CERT1: variants seen among roughly 807,000 people sequenced by gnomAD.
CERT1 encodes the protein ceramide transporter 1.
Under a neutral mutation model 87.9 loss-of-function variants are expected in CERT1, and 31 were observed. The ratio of observed to expected loss-of-function variants is 0.35; its 90% CI spans 0.27 to 0.48. The LOEUF (loss-of-function observed/expected upper bound fraction) is 0.48. Among genes scored for constraint, CERT1 ranks in the 20% least tolerant of loss-of-function variants. The pLI is 0.99. For synonymous variants in CERT1, 289 were observed against 250.9 expected, an observed-to-expected ratio of 1.15 and a Z score of -1.44; for missense variants, 487 against 758.0, an observed-to-expected ratio of 0.64 and a Z score of 4.20.
intron 2 of CERT1, among the ~76,000 whole-genome samples, chr5:75,486,596 C>A (rs1399648022): frequency 3.3e-5 from 5 of 151,936 alleles, no homozygotes; most frequent in Non-Finnish European, 7.4e-5. Context: ...TTGAAACAAC[C>A]TAAAAACTCC....
chr5:75,455,251 T>C (rs1367460565), intron 3 of CERT1, among the ~76,000 whole-genome samples: 1 of 152,226 alleles, frequency 6.6e-6, no homozygotes, highest in Non-Finnish European at 1.5e-5. Context: ...TCATCCGCCA[T>C]ATTCACCTGA....
chr5:75,490,291 C>T (rs1038299509), intron 2 of CERT1, among the ~76,000 whole-genome samples: 1 of 150,636 alleles, frequency 6.6e-6, no homozygotes, highest in Non-Finnish European at 1.5e-5. Context: ...CACATGTATA[C>T]CTATGTAACA....
At chr5:75,418,391 A>T (rs1763232175) in intron 6 of CERT1, among the ~76,000 whole-genome samples, 1 of 152,120 alleles carries the variant, frequency 6.6e-6, no homozygotes, top group African/African-American at 2.4e-5. Flanking sequence ...AGGAACTGGG[A>T]CTCTCATATG....
At chr5:75,454,323 T>C (rs1378191263) in intron 3 of CERT1, among the ~76,000 whole-genome samples, 15 of 152,212 alleles carry the variant, frequency 9.9e-5, no homozygotes, top group Admixed American at 3.3e-4. Context: ...CCGTTTGATA[T>C]TGGATTACAT....
At chr5:75,444,859 T>C (rs912329106) in intron 3 of CERT1, among the ~76,000 whole-genome samples, 2 of 152,204 alleles carry the variant, frequency 1.3e-5, no homozygotes, top group South Asian at 4.1e-4. Flanking sequence ...TGATTTTTCA[T>C]AGTGAAATAT....
chr5:75,511,932 G>T, upstream of CERT1: 2 of 1,078,492 alleles, frequency 1.9e-6, no homozygotes, highest in Non-Finnish European at 2.7e-6. Context: ...TCCCGCGCGG[G>T]GATCGCTTGT....
At chr5:75,400,426 T>C (rs1263699160) in intron 9 of CERT1, 129 bp from the exon 10 acceptor site, 15 of 596,358 alleles carry the variant, frequency 2.5e-5, no homozygotes, top group Non-Finnish European at 4.1e-5. Context: ...CCATTAGAAT[T>C]ATGAAACTAC....
chr5:75,407,707 A>G (rs1378668335), intron 8 of CERT1, among the ~76,000 whole-genome samples: 1 of 152,162 alleles, frequency 6.6e-6, no homozygotes, highest in African/African-American at 2.4e-5. Context: ...AGGTCTCACT[A>G]AACAACCATT....
At chr5:75,434,733 T>C (rs984258546) in intron 3 of CERT1, among the ~76,000 whole-genome samples, 1 of 152,072 alleles carries the variant, frequency 6.6e-6, no homozygotes, top group Non-Finnish European at 1.5e-5. Flanking sequence ...TGGAAGGTTT[T>C]ATGTTTCCAG....
At chr5:75,505,693 A>G (rs1158271968) in intron 2 of CERT1, 2 of 196,916 alleles carry the variant, frequency 1.0e-5, no homozygotes, top group Non-Finnish European at 2.0e-5. Flanking sequence ...CTACAAAGTA[A>G]CTGTCCCAGC....
intron 11 of CERT1, among the ~76,000 whole-genome samples, chr5:75,392,637 C>A (rs1762072338): frequency 6.6e-6 from 1 of 152,130 alleles, no homozygotes; most frequent in Non-Finnish European, 1.5e-5. Context: ...ACCTGATAAT[C>A]TGCTCACTTT....
intron 2 of CERT1, among the ~76,000 whole-genome samples, chr5:75,470,673 T>C (rs570103590): frequency 6.6e-6 from 1 of 152,284 alleles, no homozygotes; most frequent in African/African-American, 2.4e-5. Flanking sequence ...CAGGGAAAAG[T>C]TGAGCTTTTT....
At chr5:75,391,882 T>C (rs769926285) in intron 11 of CERT1, among the ~76,000 whole-genome samples, 3 of 152,184 alleles carry the variant, frequency 2.0e-5, no homozygotes, top group Non-Finnish European at 4.4e-5. Flanking sequence ...AAAGAAATGC[T>C]TCCCCCAAAT....
Position 75,493,658 on chromosome 5 carries a change from T to G in CERT1, c.231+12324A>C, listed in dbSNP as rs559522425. Reference sequence around the variant, plus strand: ...TTTAACATGAGTCTTTTTAAAAATCTATTATACTGGACCTTGCTTGATGAT... The same window carrying G: ...TTTAACATGAGTCTTTTTAAAAATCGATTATACTGGACCTTGCTTGATGAT... On this transcript the variant is annotated intron_variant, in intron 2 of 16. Coordinates refer to ENST00000643780, the MANE Select transcript of CERT1 (RefSeq NM_001379029.1). 1.5e-4 allele frequency among the ~76,000 whole-genome samples: 23 copies of G among 152,338 alleles called. No homozygotes were observed. The South Asian group carries it at 4.8e-3, about 32-fold the overall frequency.
In CERT1 at chr5:75,381,972, A is replaced by T. The variant is rs1368201619; in HGVS notation, c.1594T>A (p.Ser532Thr). The T allele has an allele frequency of 6.2e-7, 1 of 1,613,666 alleles. No homozygotes were observed. ...DPETWIVCNF[S>T]VDHDSAPLNN... is the part of the protein sequence containing the mutation. ...ACAGGAGCACTGTCATGATCCACAG[A>T]AAAATTACAAACTATCCAAGTTTCA... is the stretch of plus-strand genomic sequence containing the variant. The change falls in exon 15 of 17, where the codon TCT becomes ACT. Residue 532 changes from serine (S) to threonine (T), a missense_variant. By Grantham distance (58) the Ser-to-Thr change is moderately conservative. Transcript: ENST00000643780.
intron 4 of CERT1, among the ~76,000 whole-genome samples, 176 bp from the exon 5 acceptor site, chr5:75,425,675 T>C (rs529592746): frequency 6.6e-5 from 10 of 152,242 alleles, no homozygotes; most frequent in Non-Finnish European, 1.3e-4. Flanking sequence ...CTGATGAATC[T>C]ATTGGCTTGA....
chr5:75,487,257 C>T (rs956282580), intron 2 of CERT1, among the ~76,000 whole-genome samples: 1 of 151,968 alleles, frequency 6.6e-6, no homozygotes, highest in African/African-American at 2.4e-5. Context: ...ATAAATAGTG[C>T]TAGGAAAACT....
intron 2 of CERT1, among the ~76,000 whole-genome samples, chr5:75,462,177 T>C (rs1027515405): frequency 2.0e-5 from 3 of 152,136 alleles, no homozygotes; most frequent in Admixed American, 1.3e-4. Flanking sequence ...AAGAAACAAA[T>C]GTAGGATAGA....
intron 2 of CERT1, among the ~76,000 whole-genome samples, chr5:75,460,465 G>T (rs1181549317): frequency 6.6e-6 from 1 of 152,138 alleles, no homozygotes; most frequent in Admixed American, 6.5e-5. Flanking sequence ...TTTTGATTCA[G>T]TGCTCTTGAC....
Sources: gnomAD v4.1 joint callset for allele counts (sites outside exome capture counted in the v4.1 genomes callset) on GRCh38, gnomAD v4.1.1 for gene constraint, MANE v1.5 for transcripts, NCBI Gene and HGNC (gene_info 2026-07-23, HGNC 2026-07-21) for gene names.